The following SERPINE2 variants were observed in gnomAD, a reference collection of about 807,000 sequenced individuals.
SERPINE2 encodes the protein serpin family E member 2.
Under a neutral mutation model 36.3 loss-of-function variants are expected in SERPINE2, and 14 were observed. The observed-to-expected ratio is 0.39, with a 90% CI of 0.25 to 0.60. The LOEUF (loss-of-function observed/expected upper bound fraction) is 0.60, where lower values mean the gene tolerates loss of function less well. Ranked by LOEUF, SERPINE2 falls within the 20% of genes least tolerant of loss-of-function variation. The pLI is 0.57. For missense variants in SERPINE2, 418 were observed against 499.6 expected (o/e 0.84, Z 1.56); for synonymous variants, 192 against 191.8 (o/e 1.00, Z -0.01).
intron 4 of SERPINE2, among the ~76,000 whole-genome samples, chr2:223,990,752 T>C (rs776099596): frequency 3.9e-4 from 60 of 152,166 alleles, no homozygotes; most frequent in Non-Finnish European, 7.5e-4. Flanking sequence ...CCAAGGCAGG[T>C]GGATCACTTA....
At chr2:223,990,508 T>C (rs1399742963) in intron 4 of SERPINE2, among the ~76,000 whole-genome samples, 1 of 152,162 alleles carries the variant, frequency 6.6e-6, no homozygotes, top group African/African-American at 2.4e-5. Flanking sequence ...AATCTTGAAC[T>C]ATTAACTTGT....
At chr2:223,984,396 C>T (rs1381478694) in intron 5 of SERPINE2, among the ~76,000 whole-genome samples, 1 of 152,202 alleles carries the variant, frequency 6.6e-6, no homozygotes, top group African/African-American at 2.4e-5. Context: ...TATTAAACCT[C>T]ACTGTACTTT....
rs1691362237 is a variant in SERPINE2 at position 224,005,075 on chromosome 2, A to ATAAATATATATATATATATATATT, written c.-22-3154_-22-3153insAATATATATATATATATATATTTA. On this transcript the variant is annotated intron_variant, in intron 1 of 8. Transcript: ENST00000409304. ...TATATTTTATATATATTATATATAT[A>ATAAATATATATATATATATATATT]TATATATATATATATATATATAAAA... Among the ~76,000 whole-genome samples the ATAAATATATATATATATATATATT allele has an allele frequency of 3.8e-4, 3 of 7,992 alleles. 1 individual carries two copies. The highest frequency in any genetic ancestry group is 7.8e-4 in the African/African-American group (3 of 3,844). 5.2% of individuals were successfully genotyped at this position (7,992 alleles called of 152,430 possible).
intron 1 of SERPINE2, among the ~76,000 whole-genome samples, chr2:224,027,424 G>A (rs1692222609): frequency 6.6e-6 from 1 of 152,102 alleles, no homozygotes; most frequent in Admixed American, 6.5e-5. Flanking sequence ...TGAGAGGGAG[G>A]GGAGGGGACT....
intron 4 of SERPINE2, among the ~76,000 whole-genome samples, chr2:223,985,352 A>G (rs1303203282): frequency 6.6e-6 from 1 of 150,424 alleles, no homozygotes; most frequent in African/African-American, 2.4e-5. Flanking sequence ...GGTACACAAT[A>G]TGACGTTATG....
At position 223,975,790 on chromosome 2, in the gene SERPINE2, C is replaced by A; in HGVS notation, c.*77G>T. On this transcript the variant is annotated 3_prime_UTR_variant, in exon 9 of 9. Transcript: ENST00000409304. ...CGATGTACAAAAATATTTAACAGAACTATGAAAGATGCAGGAAAGGAGTCT... is the reference window on the plus strand; with the variant it reads ...CGATGTACAAAAATATTTAACAGAAATATGAAAGATGCAGGAAAGGAGTCT... 8.3e-7 allele frequency: 1 copy of A among 1,203,206 alleles called. No homozygotes were observed. Among genetic ancestry groups the A allele is most frequent in the Non-Finnish European group, 1.2e-6 (1 of 844,692 alleles). 74.5% of individuals were successfully genotyped at this position (1,203,206 alleles called of 1,614,324 possible). A position where few individuals can be genotyped will look rare whatever the true frequency, so the allele number is the denominator to read the frequency against.
chr2:224,033,516 T>C (rs191270666), intron 1 of SERPINE2, among the ~76,000 whole-genome samples: 39 of 152,308 alleles, frequency 2.6e-4, no homozygotes, highest in African/African-American at 9.1e-4. Flanking sequence ...TTAGATCATT[T>C]ATTTCAATAT....
chr2:224,013,852 C>T (rs12694627), intron 1 of SERPINE2: 83,709 of 152,108 alleles, frequency 0.55, 26,237 homozygotes, highest in Non-Finnish European at 0.7. Context: ...CTGGGGTTCA[C>T]ACCTTCCGCA....
At chr2:224,002,120 G>A (rs1044366386) in intron 1 of SERPINE2, among the ~76,000 whole-genome samples, 198 bp from the exon 2 acceptor site, 1 of 151,840 alleles carries the variant, frequency 6.6e-6, no homozygotes, top group Non-Finnish European at 1.5e-5. Flanking sequence ...GGAATTACAG[G>A]CGTGTACCAC....
Position 223,979,559 on chromosome 2 carries a change from C to A in SERPINE2, c.1072+752G>T, listed in dbSNP as rs569985531. ...TATGGGCTCACAGAGTTGGCCAAAT[C>A]TATTCATCTATTTTCCTACGGATAA... On this transcript the variant is annotated intron_variant, in intron 7 of 8. Transcript: ENST00000409304. 3 of 152,318 alleles carry A rather than the reference C, an allele frequency of 2.0e-5. No individual in the cohort carries two copies. The South Asian group carries it at 6.2e-4, about 32-fold the overall frequency. 9.4% of individuals were successfully genotyped at this position (152,318 alleles called of 1,614,324 possible).
At chr2:224,015,132 C>T (rs1014222575) in intron 1 of SERPINE2, among the ~76,000 whole-genome samples, 2 of 152,208 alleles carry the variant, frequency 1.3e-5, no homozygotes, top group Non-Finnish European at 2.9e-5. Flanking sequence ...ATGCACAAGA[C>T]AGCCGCCTGC....
At chr2:224,016,626 A>G (rs1574842324) in intron 1 of SERPINE2, among the ~76,000 whole-genome samples, 1 of 152,210 alleles carries the variant, frequency 6.6e-6, no homozygotes, top group East Asian at 1.9e-4. Flanking sequence ...GCAATGCTGG[A>G]CATTTATTAG....
At chr2:223,982,869 T>C in intron 5 of SERPINE2, 88 bp from the exon 6 acceptor site, 1 of 897,496 alleles carries the variant, frequency 1.1e-6, no homozygotes, top group Admixed American at 2.6e-5. Context: ...AACTGATTCT[T>C]TTAAAGTTAA....
chr2:224,031,042 C>T (rs1414453183), intron 1 of SERPINE2: 19 of 985,208 alleles, frequency 1.9e-5, no homozygotes, highest in Middle Eastern at 5.2e-4. Context: ...TCACGCAGCA[C>T]GGCGAGGAGG....
chr2:223,998,443 T>G, intron 2 of SERPINE2, 101 bp from the exon 3 acceptor site: 1 of 832,048 alleles, frequency 1.2e-6, no homozygotes, highest in Non-Finnish European at 1.9e-6. Context: ...ATAGGCCAGG[T>G]GCAGTGGCTC....
intron 5 of SERPINE2, 40 bp from the exon 6 acceptor site, chr2:223,982,821 C>G (rs774095477): frequency 3.5e-6 from 5 of 1,419,384 alleles, no homozygotes; most frequent in Non-Finnish European, 4.9e-6. Flanking sequence ...AATCACGAGG[C>G]TATAAATGCT....
intron 1 of SERPINE2, among the ~76,000 whole-genome samples, chr2:224,017,197 AC>A (rs773563374): frequency 5.3e-5 from 8 of 152,138 alleles, no homozygotes; most frequent in Non-Finnish European, 7.3e-5. Context: ...GTACTGTACT[AC>A]AGTTATGCAA....
At chr2:224,015,418 G>T (rs36006250) in intron 1 of SERPINE2, among the ~76,000 whole-genome samples, 6 of 152,198 alleles carry the variant, frequency 3.9e-5, no homozygotes, top group South Asian at 2.1e-4. Context: ...TGGACAAAGG[G>T]GCGGAGAGAT....
rs1559204320 is a variant in SERPINE2 at position 223,998,195 on chromosome 2, C to A, written c.407G>T (p.Cys136Phe). The A allele has an allele frequency of 6.2e-7, 1 of 1,614,236 alleles. No homozygotes were observed. The highest frequency in any genetic ancestry group is 2.2e-5 in the East Asian group (1 of 44,888). Residue 136 changes from cysteine to phenylalanine, a missense_variant, in exon 3 of 9, where the codon TGT becomes TTT. Cys to Phe is a radical substitution (Grantham distance 205, BLOSUM62 -2). Transcript: ENST00000409304. ...FVTRNKDVFQ[C>F]EVRNVNFEDP... ...CTCAAAGTTCACATTCCGGACCTCA[C>A]ACTGGAACACATCTTTGTTCCTTGT...
Sources: gnomAD v4.1 joint callset for allele counts (sites outside exome capture counted in the v4.1 genomes callset) on GRCh38, gnomAD v4.1.1 for gene constraint, MANE v1.5 for transcripts, NCBI Gene and HGNC (gene_info 2026-07-23, HGNC 2026-07-21) for gene names.